The following PKHD1L1 variants were observed in gnomAD, a reference collection of about 807,000 sequenced individuals.
PKHD1L1 encodes the protein fibrocystin-L.
Under a neutral mutation model 462.9 loss-of-function variants are expected in PKHD1L1, and 434 were observed. The ratio of observed to expected loss-of-function variants is 0.94; its 90% CI spans 0.87 to 1.02. The LOEUF (loss-of-function observed/expected upper bound fraction) is 1.02. Ranked by LOEUF, PKHD1L1 falls within the 50% of genes least tolerant of loss-of-function variation. The probability of loss-of-function intolerance (pLI) is 0.00; values close to 1 mark genes in which losing one functional copy is unlikely to be tolerated. For missense variants in PKHD1L1, 5,202 were observed against 5,096.1 expected (o/e 1.02, Z -0.63); for synonymous variants, 1,781 against 1,750.0 (o/e 1.02, Z -0.44).
intron 2 of PKHD1L1, among the ~76,000 whole-genome samples, chr8:109,379,348 T>C (rs1424264487): frequency 2.0e-5 from 3 of 152,208 alleles, no homozygotes; most frequent in Non-Finnish European, 4.4e-5. Flanking sequence ...CCTGATATAC[T>C]GCCATAGAAT....
rs1817612023 is a variant in PKHD1L1, at chr8:109,469,475, CTTCTCTT to C, written c.8605+2708_8605+2714del. On this transcript the variant is annotated intron_variant, in intron 50 of 77. Coordinates refer to ENST00000378402, the MANE Select transcript of PKHD1L1 (RefSeq NM_177531.6). ...CTCTTTCACCTTTCTCCTTCCCTCT[CTTCTCTT>C]TACTGTGTTTCTTACTGTCTAAACC... Among the ~76,000 whole-genome samples, 5 of 152,216 alleles carry C rather than the reference CTTCTCTT, an allele frequency of 3.3e-5. No individual in the cohort carries two copies. In the South Asian group the frequency reaches 1.0e-3, roughly 32 times the overall value.
intron 2 of PKHD1L1, among the ~76,000 whole-genome samples, chr8:109,374,067 T>C (rs561089820): frequency 6.6e-6 from 1 of 152,188 alleles, no homozygotes; most frequent in Non-Finnish European, 1.5e-5. Context: ...TTGTTAACTT[T>C]CTGTCTCGTT....
chr8:109,459,778 A>G lies in PKHD1L1; in HGVS notation c.7188A>G (p.Gly2396=). ...GILTRNILIR[G]SDNVEWNNKI... is the part of the protein sequence containing the mutation. Reference sequence around the variant, plus strand: ...TTACAAGAAATATTTTAATAAGAGGATCTGATAATGTTGAGTGGAATAACA... The same window carrying G: ...TTACAAGAAATATTTTAATAAGAGGGTCTGATAATGTTGAGTGGAATAACA... The change falls in exon 47 of 78, where the codon GGA becomes GGG. Residue 2396 remains glycine, a synonymous_variant. Coordinates refer to ENST00000378402, the MANE Select transcript of PKHD1L1 (RefSeq NM_177531.6). The G allele has an allele frequency of 6.2e-7, 1 of 1,611,528 alleles. No individual in the cohort carries two copies. The highest frequency in any genetic ancestry group is 8.5e-7 in the Non-Finnish European group (1 of 1,178,596).
intron 5 of PKHD1L1, among the ~76,000 whole-genome samples, chr8:109,384,535 A>G (rs1304595079): frequency 6.6e-6 from 1 of 152,130 alleles, no homozygotes; most frequent in Non-Finnish European, 1.5e-5. Flanking sequence ...TCTGAAAAAA[A>G]AGAAAAAAGT....
rs868812968 is a variant in PKHD1L1 at position 109,461,442 on chromosome 8, G to A, written c.7247-330G>A. 3.3e-5 allele frequency among the ~76,000 whole-genome samples: 5 copies of A among 152,214 alleles called. No individual in the cohort carries two copies. The Middle Eastern group carries it at 0.014, about 417-fold the overall frequency. ...TGTTCTACAAATATAAAATTGCATT[G>A]ATTATGTTAATCCTCAAATCTTGGG... On this transcript the variant is annotated intron_variant, in intron 47 of 77. Transcript: ENST00000378402.
chr8:109,388,909 C>A (rs926561368), intron 7 of PKHD1L1, among the ~76,000 whole-genome samples, 170 bp from the exon 8 acceptor site: 3 of 152,118 alleles, frequency 2.0e-5, no homozygotes, highest in Non-Finnish European at 4.4e-5. Context: ...TTTATGCAAA[C>A]ATCTTCAACA....
At position 109,449,378 on chromosome 8, in the gene PKHD1L1, C is replaced by T. The variant is rs1393098134; in HGVS notation, c.6066C>T (p.Thr2022=). 3 of 1,582,474 alleles carry T rather than the reference C, an allele frequency of 1.9e-6. No individual in the cohort carries two copies. The highest frequency in any genetic ancestry group is 1.3e-5 in the African/African-American group (1 of 74,250). The change falls in exon 40 of 78, where the codon ACC becomes ACT. Residue 2022 remains threonine, a synonymous_variant. Coordinates refer to ENST00000378402, the MANE Select transcript of PKHD1L1 (RefSeq NM_177531.6). Reference sequence around the variant, plus strand: ...GTCAAACCATGACTGTGACAGGCACCGGATTTAATCCACAAAATTCAATTA... The same window carrying T: ...GTCAAACCATGACTGTGACAGGCACTGGATTTAATCCACAAAATTCAATTA... ...GGGQTMTVTG[T]GFNPQNSIIL...
intron 50 of PKHD1L1, among the ~76,000 whole-genome samples, chr8:109,467,539 C>A (rs1400311786): frequency 1.3e-5 from 2 of 152,042 alleles, no homozygotes; most frequent in African/African-American, 4.8e-5. Flanking sequence ...AGTTGGGGAA[C>A]CAGTGTGGGA....
intron 23 of PKHD1L1, among the ~76,000 whole-genome samples, chr8:109,422,041 A>G (rs1374606198): frequency 6.6e-6 from 1 of 152,242 alleles, no homozygotes; most frequent in Non-Finnish European, 1.5e-5. Context: ...TGTTTTAAGA[A>G]CTTTAACTTT....
rs1563742296 is a variant in PKHD1L1, at chr8:109,404,714, G to A, written c.1533+1G>A. ...GTCGACAATCCTCCAGGAAGTACAGGTTTGCTATGATTGCAGTTCCTCTTA... is the reference window on the plus strand; with the variant it reads ...GTCGACAATCCTCCAGGAAGTACAGATTTGCTATGATTGCAGTTCCTCTTA... On this transcript the variant is annotated splice_donor_variant, in intron 15 of 77. Coordinates refer to ENST00000378402, the MANE Select transcript of PKHD1L1 (RefSeq NM_177531.6). LOFTEE classifies it high-confidence loss of function. The A allele has an allele frequency of 6.3e-7, 1 of 1,592,804 alleles. No individual in the cohort carries two copies. The highest frequency in any genetic ancestry group is 8.5e-7 in the Non-Finnish European group (1 of 1,171,018).
At chr8:109,371,848 G>A (rs1279559595) in intron 2 of PKHD1L1, among the ~76,000 whole-genome samples, 4 of 152,074 alleles carry the variant, frequency 2.6e-5, no homozygotes, top group Admixed American at 6.6e-5. Context: ...TCTCTCTTCT[G>A]TTCCATTGGT....
rs117967191 is a variant in PKHD1L1 at position 109,434,068 on chromosome 8, C to T, written c.3340+852C>T. Among the ~76,000 whole-genome samples, 332 of 151,884 alleles carry T rather than the reference C, an allele frequency of 2.2e-3. 4 individuals are homozygous for T. In the East Asian group the frequency reaches 0.041, roughly 19 times the overall value. ...ATAAGTGGGAGTTGAACAATGAGAACGAGGGGAACATCACACACCAGGGCC... is the reference window on the plus strand; with the variant it reads ...ATAAGTGGGAGTTGAACAATGAGAATGAGGGGAACATCACACACCAGGGCC... On this transcript the variant is annotated intron_variant, in intron 28 of 77. Transcript: ENST00000378402.
At chr8:109,444,247 A>G (rs1415570850) in intron 37 of PKHD1L1, among the ~76,000 whole-genome samples, 1 of 152,188 alleles carries the variant, frequency 6.6e-6, no homozygotes, top group Non-Finnish European at 1.5e-5. Context: ...TGTAAATAGA[A>G]TCATACAATA....
intron 71 of PKHD1L1, 88 bp from the exon 72 acceptor site, chr8:109,515,082 A>T: frequency 9.4e-7 from 1 of 1,065,552 alleles, no homozygotes; most frequent in Non-Finnish European, 1.3e-6. Flanking sequence ...TAGTTTGCAG[A>T]AAGTATACAA....
chr8:109,507,139 G>A (rs1056693129), intron 68 of PKHD1L1, among the ~76,000 whole-genome samples: 1 of 152,098 alleles, frequency 6.6e-6, no homozygotes, highest in Non-Finnish European at 1.5e-5. Flanking sequence ...TTGGTGATGA[G>A]CCTAAAAGAT....
rs1586531486 is a variant in PKHD1L1 at position 109,445,775 on chromosome 8, T to C, written c.5776+130T>C. 16 of 985,146 alleles carry C rather than the reference T, an allele frequency of 1.6e-5. No individual in the cohort carries two copies. The East Asian group carries it at 4.2e-4, about 26-fold the overall frequency. The allele number at this position is 985,146 out of a possible 1,614,324, so 61.0% of individuals were successfully genotyped here. The stretch of plus-strand genomic sequence containing the variant: ...AATGTTCCCACTTACACTTAATACC[T>C]GGGATTCAAGCTCTGTGTAGTCTCT... On this transcript the variant is annotated intron_variant, in intron 38 of 77. Coordinates refer to ENST00000378402, the MANE Select transcript of PKHD1L1 (RefSeq NM_177531.6).
rs1030399118 is a variant in PKHD1L1 at position 109,384,263 on chromosome 8, G to A, written c.475+136G>A. 7 of 722,544 alleles carry A rather than the reference G, an allele frequency of 9.7e-6. No homozygotes were observed. In the African/African-American group the frequency reaches 1.3e-4, roughly 13 times the overall value. 44.8% of individuals were successfully genotyped at this position (722,544 alleles called of 1,614,324 possible). ...CATTATAAAAATAACTATCAGCCAGGCGCGGTGGCTCATGCCTGCAATCTC... is the reference window on the plus strand; with the variant it reads ...CATTATAAAAATAACTATCAGCCAGACGCGGTGGCTCATGCCTGCAATCTC... On this transcript the variant is annotated intron_variant, in intron 5 of 77. Coordinates refer to ENST00000378402, the MANE Select transcript of PKHD1L1 (RefSeq NM_177531.6).
intron 50 of PKHD1L1, chr8:109,471,035 G>A (rs932925843): frequency 2.5e-6 from 4 of 1,603,736 alleles, no homozygotes; most frequent in Non-Finnish European, 3.4e-6. Flanking sequence ...GTCAATACAG[G>A]CCACATTAAC....
intron 50 of PKHD1L1, among the ~76,000 whole-genome samples, chr8:109,468,968 A>C (rs1265908886): frequency 6.6e-6 from 1 of 152,132 alleles, no homozygotes; most frequent in Non-Finnish European, 1.5e-5. Flanking sequence ...TTTTCTTCCT[A>C]TATGCAAACC....
Sources: gnomAD v4.1 joint callset for allele counts (sites outside exome capture counted in the v4.1 genomes callset) on GRCh38, gnomAD v4.1.1 for gene constraint, MANE v1.5 for transcripts, NCBI Gene and HGNC (gene_info 2026-07-23, HGNC 2026-07-21) for gene names.